Variants in RALGPS1 observed in about 807,000 individuals in gnomAD.
RALGPS1 encodes the protein ras-specific guanine nucleotide-releasing factor RalGPS1.
A neutral mutation model predicts 78.8 loss-of-function variants in RALGPS1; 19 were observed. The ratio of observed to expected loss-of-function variants is 0.24; its 90% CI spans 0.17 to 0.35. The LOEUF (loss-of-function observed/expected upper bound fraction) is 0.35, where lower values mean the gene tolerates loss of function less well. RALGPS1 is among the 10% of genes least tolerant of loss of function. The probability of loss-of-function intolerance (pLI) is 1.00; values close to 1 mark genes in which losing one functional copy is unlikely to be tolerated. For synonymous variants in RALGPS1, 228 were observed against 256.3 expected, an observed-to-expected ratio of 0.89 and a Z score of 1.06; for missense variants, 454 against 688.3, an observed-to-expected ratio of 0.66 and a Z score of 3.81.
intron 5 of RALGPS1, among the ~76,000 whole-genome samples, chr9:127,043,679 T>C (rs1319280164): frequency 6.6e-6 from 1 of 152,166 alleles, no homozygotes; most frequent in Non-Finnish European, 1.5e-5. Flanking sequence ...TTACCACAGA[T>C]TGGGAGAAAA....
chr9:127,185,184 C>A (rs1273529567), intron 11 of RALGPS1, among the ~76,000 whole-genome samples: 1 of 152,192 alleles, frequency 6.6e-6, no homozygotes, highest in African/African-American at 2.4e-5. Context: ...TTGGCCACAT[C>A]TGGTTGCTCT....
At chr9:127,189,009 A>C (rs1204540774) in intron 11 of RALGPS1, among the ~76,000 whole-genome samples, 20 of 142,432 alleles carry the variant, frequency 1.4e-4, no homozygotes, top group African/African-American at 5.1e-4. Flanking sequence ...AAAAAAAAAA[A>C]AAAAAAAAAA....
intron 14 of RALGPS1, among the ~76,000 whole-genome samples, chr9:127,200,061 C>T (rs1487719623): frequency 6.6e-6 from 1 of 152,208 alleles, no homozygotes; most frequent in African/African-American, 2.4e-5. Context: ...TATAACCACA[C>T]TGTCACACGT....
chr9:126,958,008 C>T (rs1448073053), intron 1 of RALGPS1, among the ~76,000 whole-genome samples: 1 of 151,274 alleles, frequency 6.6e-6, no homozygotes, highest in Non-Finnish European at 1.5e-5. Context: ...CATGGTGGCA[C>T]GTGCCTGTAA....
chr9:126,974,164 G>A (rs1184018250), intron 3 of RALGPS1, among the ~76,000 whole-genome samples: 1 of 152,152 alleles, frequency 6.6e-6, no homozygotes, highest in Non-Finnish European at 1.5e-5. Context: ...ATGAACCACT[G>A]TGCCCAGCCT....
At chr9:127,142,919 G>A (rs1411998834) in intron 8 of RALGPS1, among the ~76,000 whole-genome samples, 4 of 152,124 alleles carry the variant, frequency 2.6e-5, no homozygotes, top group African/African-American at 9.7e-5. Context: ...TGATTAATCA[G>A]GTAGTATGTG....
chr9:127,112,376 C>T (rs750594607), intron 8 of RALGPS1, among the ~76,000 whole-genome samples: 24 of 152,234 alleles, frequency 1.6e-4, no homozygotes, highest in Non-Finnish European at 2.2e-4. Flanking sequence ...GCTGGGCCAA[C>T]GCCTTCTTCA....
intron 8 of RALGPS1, among the ~76,000 whole-genome samples, chr9:127,103,963 C>T (rs935282203): frequency 2.6e-5 from 4 of 152,128 alleles, no homozygotes; most frequent in African/African-American, 9.7e-5. Context: ...TAGCTGTGTA[C>T]CCTTGGCTAA....
intron 14 of RALGPS1, among the ~76,000 whole-genome samples, chr9:127,209,682 C>T (rs1003088545): frequency 1.3e-5 from 2 of 152,140 alleles, no homozygotes; most frequent in Admixed American, 6.5e-5. Context: ...TGAAATTGGG[C>T]CCCTGGACAG....
At chr9:127,082,599 C>T (rs138024191) in intron 8 of RALGPS1, among the ~76,000 whole-genome samples, 5 of 152,168 alleles carry the variant, frequency 3.3e-5, no homozygotes, top group Admixed American at 6.5e-5. Context: ...GTATAGTGAT[C>T]GATGCTGTAG....
chr9:127,100,548 G>A (rs570960222), intron 8 of RALGPS1, among the ~76,000 whole-genome samples: 1 of 152,316 alleles, frequency 6.6e-6, no homozygotes, highest in South Asian at 2.1e-4. Flanking sequence ...GTACAGAGGT[G>A]AGCAGCTCAC....
At chr9:127,041,934 T>C (rs767156422) in intron 5 of RALGPS1, among the ~76,000 whole-genome samples, 2 of 152,160 alleles carry the variant, frequency 1.3e-5, no homozygotes, top group African/African-American at 2.4e-5. Flanking sequence ...GACAAGGGCT[T>C]TATTACTGTA....
At chr9:127,116,298 T>A (rs566015125) in intron 8 of RALGPS1, among the ~76,000 whole-genome samples, 3 of 151,664 alleles carry the variant, frequency 2.0e-5, no homozygotes, top group Admixed American at 6.6e-5. Context: ...CGGGTTGTGG[T>A]CACACCATGA....
chr9:126,969,809 A>G (rs1283729928), intron 3 of RALGPS1, among the ~76,000 whole-genome samples: 3 of 152,190 alleles, frequency 2.0e-5, no homozygotes, highest in African/African-American at 7.2e-5. Context: ...GGCTTGCTTC[A>G]GGCTGCCTTT....
At position 127,092,228 on chromosome 9, in the gene RALGPS1, G is replaced by A. The variant is rs1347431991; in HGVS notation, c.610+22872G>A. Among the ~76,000 whole-genome samples, 4 of 152,198 alleles carry A rather than the reference G, an allele frequency of 2.6e-5. No homozygotes were observed. The East Asian group carries it at 5.8e-4, about 22-fold the overall frequency. ...CCCCACAGGCTTGCTGCAGGAACACGTGTGCTGTGGCAGGTGGAGGGCCTG... is the reference window on the plus strand; with the variant it reads ...CCCCACAGGCTTGCTGCAGGAACACATGTGCTGTGGCAGGTGGAGGGCCTG... On this transcript the variant is annotated intron_variant, in intron 8 of 18. Coordinates refer to ENST00000259351, the MANE Select transcript of RALGPS1 (RefSeq NM_014636.3).
At chr9:127,101,701 C>G (rs1015749503) in intron 8 of RALGPS1, among the ~76,000 whole-genome samples, 1 of 152,176 alleles carries the variant, frequency 6.6e-6, no homozygotes, top group African/African-American at 2.4e-5. Context: ...AGTGGTCTCT[C>G]TGCACATTAT....
chr9:126,935,958 G>A (rs76613286), intron 1 of RALGPS1, among the ~76,000 whole-genome samples: 9,576 of 152,248 alleles, frequency 0.063, 969 homozygotes, highest in African/African-American at 0.22. Context: ...TGCCAGTCCC[G>A]AGGAATCTGG....
At chr9:127,072,945 C>T (rs2050332024) in intron 8 of RALGPS1, among the ~76,000 whole-genome samples, 1 of 152,082 alleles carries the variant, frequency 6.6e-6, no homozygotes, top group Non-Finnish European at 1.5e-5. Flanking sequence ...CAAGTGAAGA[C>T]ATTATTTGTA....
chr9:127,038,504 A>G (rs1316170236), intron 5 of RALGPS1, among the ~76,000 whole-genome samples: 3 of 152,150 alleles, frequency 2.0e-5, no homozygotes, highest in African/African-American at 4.8e-5. Flanking sequence ...TTTCTTCCAC[A>G]TGCTATCTCT....
Sources: allele counts gnomAD v4.1 joint callset (sites outside exome capture counted in the v4.1 genomes callset), GRCh38; gene constraint gnomAD v4.1.1; transcripts MANE v1.5; gene names NCBI Gene and HGNC (gene_info 2026-07-23, HGNC 2026-07-21).